Variants in ZNF385D observed in about 807,000 individuals in gnomAD.
The protein encoded by ZNF385D is zinc finger protein 385D, also known as zinc finger protein 659.
In ZNF385D, 15 loss-of-function variants were observed where a neutral mutation model predicts 35.8. The ratio of observed to expected loss-of-function variants is 0.42; its 90% CI spans 0.28 to 0.64. The LOEUF (loss-of-function observed/expected upper bound fraction) is 0.64. Ranked by LOEUF, ZNF385D falls within the 30% of genes least tolerant of loss-of-function variation. ZNF385D has a pLI of 0.23. For missense variants in ZNF385D, 474 were observed against 494.6 expected (o/e 0.96, Z 0.39); for synonymous variants, 212 against 186.8 (o/e 1.13, Z -1.10).
chr3:21,464,783 C>T (rs1470170451), intron 4 of ZNF385D, among the ~76,000 whole-genome samples: 1 of 121,858 alleles, frequency 8.2e-6, no homozygotes, highest in Non-Finnish European at 1.7e-5. Context: ...GAACACCATC[C>T]CTGCAATAAT....
intron 1 of ZNF385D, 80 bp from the exon 2 acceptor site, chr3:21,665,108 A>T: frequency 6.8e-7 from 1 of 1,474,462 alleles, no homozygotes; most frequent in Admixed American, 2.6e-5. Context: ...GAGACAAAAA[A>T]GGCCAGCTTT....
chr3:22,033,163 A>T (rs549454908), intron 3 of ZNF385D, among the ~76,000 whole-genome samples: 1 of 152,172 alleles, frequency 6.6e-6, no homozygotes, highest in South Asian at 2.1e-4. Flanking sequence ...GCACTTTAGG[A>T]GGCTGAGGCA....
chr3:21,899,442 A>G (rs775002844), intron 3 of ZNF385D, among the ~76,000 whole-genome samples: 2 of 152,188 alleles, frequency 1.3e-5, no homozygotes, highest in Non-Finnish European at 2.9e-5. Flanking sequence ...TGTTAAGCAC[A>G]CATTACTGGT....
intron 1 of ZNF385D, among the ~76,000 whole-genome samples, chr3:21,717,595 T>A (rs558232599): frequency 1.6e-3 from 237 of 152,316 alleles, no homozygotes; most frequent in Non-Finnish European, 2.8e-3. Flanking sequence ...CACATTAAAT[T>A]GTAGCTCTCA....
chr3:22,083,626 G>A (rs1488686762), intron 3 of ZNF385D, among the ~76,000 whole-genome samples: 1 of 152,188 alleles, frequency 6.6e-6, no homozygotes, highest in Non-Finnish European at 1.5e-5. Context: ...TGAAAGTGAT[G>A]GGGAGAATGG....
chr3:22,253,269 A>G (rs1700152508), intron 2 of ZNF385D, among the ~76,000 whole-genome samples: 1 of 151,972 alleles, frequency 6.6e-6, no homozygotes, highest in Non-Finnish European at 1.5e-5. Context: ...GTAGGATGGG[A>G]AAAAGTTAGG....
chr3:22,025,993 T>C (rs1386103726), intron 3 of ZNF385D, among the ~76,000 whole-genome samples: 1 of 152,156 alleles, frequency 6.6e-6, no homozygotes, highest in South Asian at 2.1e-4. Context: ...AAGGTGGGCA[T>C]AGCTACCATA....
At chr3:21,572,670 T>C (rs1416087968) in intron 2 of ZNF385D, among the ~76,000 whole-genome samples, 5 of 152,190 alleles carry the variant, frequency 3.3e-5, no homozygotes, top group Non-Finnish European at 7.3e-5. Context: ...CGTTAACCTG[T>C]ATTTTGTTAT....
chr3:22,207,775 G>T (rs1559452742), intron 2 of ZNF385D, among the ~76,000 whole-genome samples: 1 of 151,902 alleles, frequency 6.6e-6, no homozygotes, highest in East Asian at 1.9e-4. Context: ...TTAAAAATGG[G>T]CAAAAGATGT....
At chr3:22,346,035 A>G (rs1343680356) in intron 2 of ZNF385D, among the ~76,000 whole-genome samples, 3 of 152,048 alleles carry the variant, frequency 2.0e-5, no homozygotes, top group Non-Finnish European at 2.9e-5. Context: ...TTGCATACTC[A>G]TCTCCTCATG....
chr3:22,318,975 T>G (rs1194036276), intron 2 of ZNF385D, among the ~76,000 whole-genome samples: 1 of 152,222 alleles, frequency 6.6e-6, no homozygotes, highest in East Asian at 1.9e-4. Context: ...TTTTTAAAGC[T>G]GTGACTATTT....
chr3:22,037,195 A>G (rs1395778890), intron 3 of ZNF385D, among the ~76,000 whole-genome samples: 1 of 150,946 alleles, frequency 6.6e-6, no homozygotes, highest in Non-Finnish European at 1.5e-5. Flanking sequence ...TCTTTATAGC[A>G]GCATGTTTTA....
intron 3 of ZNF385D, among the ~76,000 whole-genome samples, chr3:22,131,892 G>C (rs930732696): frequency 6.6e-6 from 1 of 152,132 alleles, no homozygotes; most frequent in Non-Finnish European, 1.5e-5. Context: ...TTATTTTGTA[G>C]CATTAAGAAC....
chr3:21,725,931 A>C (rs1297152822), intron 1 of ZNF385D, among the ~76,000 whole-genome samples: 3 of 152,230 alleles, frequency 2.0e-5, no homozygotes, highest in African/African-American at 7.2e-5. Flanking sequence ...GTCCTCAATA[A>C]AATACTGGCA....
chr3:21,811,377 A>C (rs1660802468), intron 3 of ZNF385D, among the ~76,000 whole-genome samples: 1 of 152,188 alleles, frequency 6.6e-6, no homozygotes, highest in South Asian at 2.1e-4. Flanking sequence ...GAATATAGGA[A>C]GCAAGAAGTT....
intron 2 of ZNF385D, among the ~76,000 whole-genome samples, chr3:22,218,408 T>A (rs934927337): frequency 1.3e-5 from 2 of 152,000 alleles, no homozygotes; most frequent in African/African-American, 4.8e-5. Context: ...TGTAACATCA[T>A]AAATTATAAT....
chr3:21,721,960 C>A (rs189097614), intron 1 of ZNF385D, among the ~76,000 whole-genome samples: 2 of 151,988 alleles, frequency 1.3e-5, no homozygotes, highest in Non-Finnish European at 2.9e-5. Context: ...ATTAACTGGG[C>A]GTGGTGGCGT....
At chr3:22,191,566 G>C (rs1225275810) in intron 2 of ZNF385D, among the ~76,000 whole-genome samples, 6 of 151,592 alleles carry the variant, frequency 4.0e-5, no homozygotes, top group Non-Finnish European at 7.4e-5. Context: ...TTCTTTTAGA[G>C]TTAATTCTAG....
At chr3:22,014,043 T>C (rs940288563) in intron 3 of ZNF385D, among the ~76,000 whole-genome samples, 8 of 152,220 alleles carry the variant, frequency 5.3e-5, no homozygotes, top group African/African-American at 1.7e-4. Flanking sequence ...GAAATACAGA[T>C]ACGTCAGGAA....
Sources: gnomAD v4.1 joint callset for allele counts (sites outside exome capture counted in the v4.1 genomes callset) on GRCh38, gnomAD v4.1.1 for gene constraint, MANE v1.5 for transcripts, NCBI Gene and HGNC (gene_info 2026-07-23, HGNC 2026-07-21) for gene names.